LMO3: variants seen among roughly 807,000 people sequenced by gnomAD.
The protein encoded by LMO3 is LIM domain only protein 3.
In LMO3, 2 loss-of-function variants were observed where a neutral mutation model predicts 15.8. That is an observed-to-expected ratio of 0.13 (90% CI 0.05 to 0.40). The LOEUF (loss-of-function observed/expected upper bound fraction) is 0.40, where lower values mean the gene tolerates loss of function less well. Among genes scored for constraint, LMO3 ranks in the 10% least tolerant of loss-of-function variants. LMO3 has a pLI of 0.99. For missense variants in LMO3, 86 were observed against 182.2 expected (o/e 0.47, Z 3.04); for synonymous variants, 62 against 63.8 (o/e 0.97, Z 0.13).
Position 16,589,549 on chromosome 12 carries a change from TAACC to T in LMO3, c.206+11102_206+11105del, listed in dbSNP as rs1236836658. ...TTAGGTTGCTGCAGAAGTCAAGAGCTAACCAAGAAGACAAGGAATGTAACATATT... is the reference window on the plus strand; with the variant it reads ...TTAGGTTGCTGCAGAAGTCAAGAGCTAAGAAGACAAGGAATGTAACATATT... On this transcript the variant is annotated intron_variant, in intron 2 of 3. Coordinates refer to ENST00000537304, the MANE Select transcript of LMO3 (RefSeq NM_018640.5). The surrounding 1 kb of genome is among the most constrained non-coding windows in gnomAD (Gnocchi z 4.2). The T allele has an allele frequency of 1.3e-5, 2 of 152,106 alleles. No individual in the cohort carries two copies. Among genetic ancestry groups the T allele is most frequent in the African/African-American group, 4.8e-5 (2 of 41,430 alleles). 9.4% of individuals were successfully genotyped at this position (152,106 alleles called of 1,614,324 possible).
intron 1 of LMO3, chr12:16,605,711 G>C: frequency 6.9e-7 from 1 of 1,456,006 alleles, no homozygotes; most frequent in Non-Finnish European, 9.3e-7. Context: ...GGGAGTCAGG[G>C]GTGTGGAAAT....
rs1943436218 is a variant in LMO3 at position 16,589,859 on chromosome 12, T to A, written c.206+10796A>T. 6.6e-6 allele frequency among the ~76,000 whole-genome samples: 1 copy of A among 152,100 alleles called. No individual in the cohort carries two copies. The highest frequency in any genetic ancestry group is 2.1e-4 in the South Asian group (1 of 4,834). On this transcript the variant is annotated intron_variant, in intron 2 of 3. Coordinates refer to ENST00000537304, the MANE Select transcript of LMO3 (RefSeq NM_018640.5). The surrounding 1 kb of genome is among the most constrained non-coding windows in gnomAD (Gnocchi z 4.2). Reference sequence around the variant, plus strand: ...TTGTAACAGAAAAAAGCCCCCAAGATGCAGACCACAGTAGGAATTAAGCCT... The same window carrying A: ...TTGTAACAGAAAAAAGCCCCCAAGAAGCAGACCACAGTAGGAATTAAGCCT...
chr12:16,578,635 T>A (rs564761582), intron 2 of LMO3, among the ~76,000 whole-genome samples: 1 of 152,214 alleles, frequency 6.6e-6, no homozygotes, highest in East Asian at 1.9e-4. Context: ...TTGGCCAACA[T>A]GGTGAAGCCC....
chr12:16,577,347 T>G (rs1565496739), intron 2 of LMO3, among the ~76,000 whole-genome samples: 1 of 152,220 alleles, frequency 6.6e-6, no homozygotes, highest in African/African-American at 2.4e-5. Context: ...AATTCTTCCA[T>G]GAAGGCCTCC....
At chr12:16,605,029 T>C in intron 1 of LMO3, 1 of 1,553,778 alleles carries the variant, frequency 6.4e-7, no homozygotes, top group South Asian at 1.2e-5. Context: ...CCGACTATTG[T>C]GAAGCCACTT....
At chr12:16,600,617 G>A (rs1289805796) in intron 2 of LMO3, 38 bp downstream of exon 2, 6 of 1,529,752 alleles carry the variant, frequency 3.9e-6, no homozygotes. Context: ...ACTTTAAAAG[G>A]CATCCAGTCA....
In LMO3 at chr12:16,550,983, C is replaced by A. The variant is rs892621633; in HGVS notation, c.*239G>T. 1.5e-5 allele frequency: 6 copies of A among 409,318 alleles called. No homozygotes were observed. Among genetic ancestry groups the A allele is most frequent in the African/African-American group, 9.9e-5 (5 of 50,472 alleles). The allele number at this position is 409,318 out of a possible 1,614,324, so 25.4% of individuals were successfully genotyped here. On this transcript the variant is annotated 3_prime_UTR_variant, in exon 4 of 4. Coordinates refer to ENST00000537304, the MANE Select transcript of LMO3 (RefSeq NM_018640.5). ...TGCCAAGTGACACAAAAACGAATAG[C>A]AAGCAAAAAAATCCAGCCATATGTA...
intron 3 of LMO3, among the ~76,000 whole-genome samples, chr12:16,557,930 G>A (rs1591772127): frequency 6.6e-6 from 1 of 151,878 alleles, no homozygotes; most frequent in African/African-American, 2.4e-5. Context: ...GGTCTCATAA[G>A]GTCCATTTTT....
chr12:16,592,933 A>T (rs927079697), intron 2 of LMO3, among the ~76,000 whole-genome samples: 5 of 151,902 alleles, frequency 3.3e-5, no homozygotes, highest in African/African-American at 1.2e-4. Context: ...ATTGTTCTAA[A>T]AGTTTTAGAA....
At chr12:16,566,236 A>G (rs987106758) in intron 2 of LMO3, among the ~76,000 whole-genome samples, 1 of 151,238 alleles carries the variant, frequency 6.6e-6, no homozygotes, top group African/African-American at 2.4e-5. Context: ...ATTACCAGAG[A>G]CTGGGAAAGG....
intron 2 of LMO3, among the ~76,000 whole-genome samples, chr12:16,564,187 A>C (rs1166653768): frequency 6.6e-6 from 1 of 152,164 alleles, no homozygotes; most frequent in East Asian, 1.9e-4. Context: ...CAAACAGACA[A>C]CTTTCTAACT....
Position 16,551,147 on chromosome 12 carries a change from T to G in LMO3, c.*75A>C. 1 of 965,240 alleles carries G rather than the reference T, an allele frequency of 1.0e-6. No individual in the cohort carries two copies. Among genetic ancestry groups the G allele is most frequent in the Non-Finnish European group, 1.7e-6 (1 of 593,944 alleles). The allele number at this position is 965,240 out of a possible 1,614,324, so 59.8% of individuals were successfully genotyped here. The stretch of plus-strand genomic sequence containing the variant: ...GCTATTCAGTAGGTTCCTGTGTCAA[T>G]TCTTATGTACATGTGGAGCAAAAAA... On this transcript the variant is annotated 3_prime_UTR_variant, in exon 4 of 4. Transcript: ENST00000537304.
At chr12:16,563,455 T>C (rs554235138) in intron 2 of LMO3, among the ~76,000 whole-genome samples, 1 of 152,310 alleles carries the variant, frequency 6.6e-6, no homozygotes, top group Non-Finnish European at 1.5e-5. Context: ...TTCATATATG[T>C]CAATTAAGCA....
chr12:16,592,967 T>A (rs1295401614), intron 2 of LMO3, among the ~76,000 whole-genome samples: 1 of 151,858 alleles, frequency 6.6e-6, no homozygotes, highest in Admixed American at 6.6e-5. Flanking sequence ...TAATGACATC[T>A]AAAATTAGCT....
Position 16,560,691 on chromosome 12 carries a change from ATTC to A in LMO3, c.207-156_207-154del. 1.5e-6 allele frequency: 1 copy of A among 670,224 alleles called. No homozygotes were observed. Among genetic ancestry groups the A allele is most frequent in the South Asian group, 1.9e-5 (1 of 53,988 alleles). The allele number at this position is 670,224 out of a possible 1,614,324, so 41.5% of individuals were successfully genotyped here. ...TTTTATCCTAGGTGTATGCATAAAT[ATTC>A]TTCTGCAATATATTCTCCGTTGACC... On this transcript the variant is annotated intron_variant, in intron 2 of 3. Transcript: ENST00000537304. This position sits in a 1 kb window ranked among gnomAD's most constrained non-coding sequence, Gnocchi z 5.0.
chr12:16,568,245 G>A (rs1255715897), intron 2 of LMO3, among the ~76,000 whole-genome samples: 1 of 152,118 alleles, frequency 6.6e-6, no homozygotes, highest in East Asian at 1.9e-4. Context: ...TGAATAATCT[G>A]TATAAAATAC....
At position 16,604,681 on chromosome 12, in the gene LMO3, T is replaced by C. The variant is rs1017752795; in HGVS notation, c.-9+1385A>G. Reference sequence around the variant, plus strand: ...ACACAGGGATGGTTTGCAAAGAATGTAGCAGTATTTGTTGCATCTAGCAAG... The same window carrying C: ...ACACAGGGATGGTTTGCAAAGAATGCAGCAGTATTTGTTGCATCTAGCAAG... On this transcript the variant is annotated intron_variant, in intron 1 of 3. Coordinates refer to ENST00000537304, the MANE Select transcript of LMO3 (RefSeq NM_018640.5). This position sits in a 1 kb window ranked among gnomAD's most constrained non-coding sequence, Gnocchi z 5.3. 1.5e-6 allele frequency: 1 copy of C among 653,858 alleles called. No individual in the cohort carries two copies. Among genetic ancestry groups the C allele is most frequent in the South Asian group, 1.9e-5 (1 of 51,996 alleles). The allele number at this position is 653,858 out of a possible 1,614,324, so 40.5% of individuals were successfully genotyped here. A position where few individuals can be genotyped will look rare whatever the true frequency, so the allele number is the denominator to read the frequency against.
At chr12:16,583,761 G>A (rs913415906) in intron 2 of LMO3, among the ~76,000 whole-genome samples, 1 of 152,202 alleles carries the variant, frequency 6.6e-6, no homozygotes, top group African/African-American at 2.4e-5. Context: ...GACTGGAGCA[G>A]TGGTGAAAAT....
chr12:16,570,311 T>G (rs1206097637), intron 2 of LMO3, among the ~76,000 whole-genome samples: 2 of 152,142 alleles, frequency 1.3e-5, no homozygotes, highest in East Asian at 3.8e-4. Context: ...AATTACCTTC[T>G]TTTCTATCTT....
Sources: allele counts gnomAD v4.1 joint callset (sites outside exome capture counted in the v4.1 genomes callset), GRCh38; gene constraint gnomAD v4.1.1; non-coding constraint Gnocchi (gnomAD v3.1); transcripts MANE v1.5; gene names NCBI Gene and HGNC (gene_info 2026-07-23, HGNC 2026-07-21).